The following CEP85L variants were observed in gnomAD, a reference collection of about 807,000 sequenced individuals.
CEP85L encodes centrosomal protein of 85 kDa-like.
Under a neutral mutation model 100.3 loss-of-function variants are expected in CEP85L, and 60 were observed. The ratio of observed to expected loss-of-function variants is 0.60; its 90% CI spans 0.49 to 0.74. The LOEUF is 0.74. Ranked by LOEUF, CEP85L falls within the 30% of genes least tolerant of loss-of-function variation. CEP85L has a pLI of 0.00. For missense variants in CEP85L, 973 were observed against 936.2 expected (o/e 1.04, Z -0.51); for synonymous variants, 319 against 322.7 (o/e 0.99, Z 0.12).
At chr6:118,569,341 C>CCAAAAAAAAA (rs1779740224) in intron 2 of CEP85L, among the ~76,000 whole-genome samples, 1 of 68,198 alleles carries the variant, frequency 1.5e-5, no homozygotes, top group African/African-American at 6.7e-5. Context: ...GACTCTGTCT[C>CCAAAAAAAAA]AAAAAAAAAA....
At chr6:118,622,383 A>G (rs1773506927) in intron 2 of CEP85L, among the ~76,000 whole-genome samples, 1 of 152,356 alleles carries the variant, frequency 6.6e-6, no homozygotes, top group Admixed American at 6.5e-5. Flanking sequence ...CCAATTGAGC[A>G]TAACTGCCAC....
chr6:118,540,739 G>C (rs1188337609), intron 3 of CEP85L, among the ~76,000 whole-genome samples: 2 of 150,450 alleles, frequency 1.3e-5, no homozygotes, highest in Non-Finnish European at 2.9e-5. Flanking sequence ...CCTGGCAACA[G>C]AGCGAGACCC....
intron 1 of CEP85L, among the ~76,000 whole-genome samples, chr6:118,643,261 G>A (rs997019264): frequency 6.6e-6 from 1 of 152,116 alleles, no homozygotes; most frequent in African/African-American, 2.4e-5. Context: ...GAGACAGAAT[G>A]CTCAGTATTA....
intron 2 of CEP85L, among the ~76,000 whole-genome samples, chr6:118,619,197 G>C (rs1392335598): frequency 6.6e-6 from 1 of 151,966 alleles, no homozygotes; most frequent in Non-Finnish European, 1.5e-5. Flanking sequence ...ACACTCCCTT[G>C]AGATGTATCC....
In CEP85L at chr6:118,463,192, T is replaced by A. The variant is rs1402692800; in HGVS notation, c.*2213A>T. On this transcript the variant is annotated 3_prime_UTR_variant, in exon 13 of 13. Coordinates refer to ENST00000368491, the MANE Select transcript of CEP85L (RefSeq NM_001042475.3). ...ACAAATAAATTATTTTATCCCCAAC[T>A]AAGCCAAAAAACAAAAACGTATCTA... The A allele has an allele frequency of 1.3e-5, 2 of 151,510 alleles. No individual in the cohort carries two copies. The highest frequency in any genetic ancestry group is 2.4e-5 in the African/African-American group (1 of 41,258). 9.4% of individuals were successfully genotyped at this position (151,510 alleles called of 1,614,324 possible).
chr6:118,652,329 T>A (rs2115390819), upstream of CEP85L: 3 of 927,236 alleles, frequency 3.2e-6, 1 homozygote, highest in South Asian at 1.3e-4. Flanking sequence ...ACCCTTCACC[T>A]GAACCCTTAG....
At chr6:118,575,596 A>G (rs1165461488) in intron 2 of CEP85L, among the ~76,000 whole-genome samples, 2 of 152,148 alleles carry the variant, frequency 1.3e-5, no homozygotes, top group East Asian at 3.9e-4. Flanking sequence ...ATGCAGAAAA[A>G]ATTAGGAGCT....
intron 3 of CEP85L, among the ~76,000 whole-genome samples, chr6:118,534,583 G>A (rs887860987): frequency 1.3e-5 from 2 of 152,156 alleles, no homozygotes; most frequent in Admixed American, 1.3e-4. Flanking sequence ...AACCCAGGTG[G>A]CAGAGGTTGT....
chr6:118,573,146 T>G (rs1200861247), intron 2 of CEP85L, among the ~76,000 whole-genome samples: 1 of 152,136 alleles, frequency 6.6e-6, no homozygotes, highest in Non-Finnish European at 1.5e-5. Flanking sequence ...CTAAAGCTCA[T>G]GAAGAAACTG....
In CEP85L at chr6:118,469,275, G is replaced by T; in HGVS notation, c.2051C>A (p.Ser684Tyr). Reference sequence around the variant, plus strand: ...AGGTTCCTGGCCCTGATCCAATAAAGAGCATGTCTCATCTGTTTGTCTTTG... The same window carrying T: ...AGGTTCCTGGCCCTGATCCAATAAATAGCATGTCTCATCTGTTTGTCTTTG... The part of the protein sequence containing the change: ...ENQRQTDETC[S>Y]LLDQGQEPDQ... The change falls in exon 12 of 13, where the codon TCT becomes TAT. Residue 684 changes from serine (S) to tyrosine (Y), a missense_variant. Physicochemically the swap from Ser to Tyr is moderately radical, Grantham distance 144. Coordinates refer to ENST00000368491, the MANE Select transcript of CEP85L (RefSeq NM_001042475.3). 3.7e-6 allele frequency: 6 copies of T among 1,613,934 alleles called. No individual in the cohort carries two copies. The highest frequency in any genetic ancestry group is 5.1e-6 in the Non-Finnish European group (6 of 1,179,858).
intron 1 of CEP85L, among the ~76,000 whole-genome samples, chr6:118,650,170 AG>A (rs1775454543): frequency 6.6e-6 from 1 of 152,242 alleles, no homozygotes; most frequent in Non-Finnish European, 1.5e-5. Context: ...GTTACTTAAC[AG>A]GAGTCCCAGA....
chr6:118,467,032 T>C (rs1772576021), intron 12 of CEP85L, among the ~76,000 whole-genome samples: 1 of 152,076 alleles, frequency 6.6e-6, no homozygotes, highest in African/African-American at 2.4e-5. Flanking sequence ...GAATAAATTC[T>C]GGGTTCAAGT....
chr6:118,470,758 A>C, intron 10 of CEP85L, 114 bp from the exon 11 acceptor site: 2 of 495,324 alleles, frequency 4.0e-6, no homozygotes, highest in Non-Finnish European at 7.0e-6. Context: ...TTTCCTCCCC[A>C]TCCCCTTGGA....
intron 1 of CEP85L, among the ~76,000 whole-genome samples, chr6:118,690,552 C>T (rs1777002674): frequency 1.2e-5 from 1 of 84,948 alleles, no homozygotes; most frequent in Admixed American, 1.0e-4. Context: ...CACACTGGCC[C>T]AACCAGTTAT....
chr6:118,505,899 G>T (rs918789746), intron 5 of CEP85L, among the ~76,000 whole-genome samples: 19 of 152,190 alleles, frequency 1.2e-4, no homozygotes, highest in African/African-American at 4.6e-4. Context: ...GAGTGTTAAT[G>T]GTGTGTCAAT....
At chr6:118,505,464 T>C (rs367823870) in intron 5 of CEP85L, among the ~76,000 whole-genome samples, 4 of 113,170 alleles carry the variant, frequency 3.5e-5, no homozygotes, top group African/African-American at 1.3e-4. Context: ...TCTACTATAA[T>C]ACAAATATAT....
rs141133873 is a variant in CEP85L, at chr6:118,483,301, A to AATAT, written c.1590+401_1590+404dup. 9.8e-3 allele frequency among the ~76,000 whole-genome samples: 1,475 copies of AATAT among 151,242 alleles called. 27 individuals are homozygous for AATAT. Among genetic ancestry groups the AATAT allele is most frequent in the African/African-American group, 0.034 (1,421 of 41,324 alleles). On this transcript the variant is annotated intron_variant, in intron 7 of 12. Coordinates refer to ENST00000368491, the MANE Select transcript of CEP85L (RefSeq NM_001042475.3). ...AAGTCATAGGTCAAGGTATAAGAAA[A>AATAT]ATATATATATATAAAGGTTAAGAAG...
At chr6:118,652,698 AC>A (rs1214398731), upstream of CEP85L, 35 of 1,539,052 alleles carry the variant, frequency 2.3e-5, no homozygotes, top group African/African-American at 4.3e-4. Flanking sequence ...TCTATCACTT[AC>A]CACATCCGTG....
chr6:118,679,231 T>C (rs563486980), intron 1 of CEP85L, among the ~76,000 whole-genome samples: 26 of 152,340 alleles, frequency 1.7e-4, no homozygotes, highest in African/African-American at 6.3e-4. Context: ...TTTACATGTC[T>C]GATTATTTTC....
Sources: allele counts gnomAD v4.1 joint callset (sites outside exome capture counted in the v4.1 genomes callset), GRCh38; gene constraint gnomAD v4.1.1; transcripts MANE v1.5; gene names NCBI Gene and HGNC (gene_info 2026-07-23, HGNC 2026-07-21).